Variants in SMYD3 observed in about 807,000 individuals in gnomAD.
SMYD3 encodes the protein SET and MYND domain containing 3.
In SMYD3, 36 loss-of-function variants were observed where a neutral mutation model predicts 57.7. The ratio of observed to expected loss-of-function variants is 0.62; its 90% CI spans 0.48 to 0.82. The LOEUF (loss-of-function observed/expected upper bound fraction) is 0.82. Among genes scored for constraint, SMYD3 ranks in the 40% least tolerant of loss-of-function variants. SMYD3 has a pLI of 0.00. For synonymous variants in SMYD3, 211 were observed against 195.0 expected, an observed-to-expected ratio of 1.08 and a Z score of -0.68; for missense variants, 515 against 538.8, an observed-to-expected ratio of 0.96 and a Z score of 0.44.
intron 10 of SMYD3, among the ~76,000 whole-genome samples, chr1:245,851,855 G>A (rs1401475159): frequency 6.6e-6 from 1 of 152,184 alleles, no homozygotes; most frequent in Non-Finnish European, 1.5e-5. Context: ...TACTAGCCAG[G>A]AGTGAAACAC....
chr1:246,359,396 C>T (rs1425956054), intron 1 of SMYD3, among the ~76,000 whole-genome samples: 2 of 152,100 alleles, frequency 1.3e-5, no homozygotes, highest in Non-Finnish European at 2.9e-5. Flanking sequence ...CAAAGAGGAA[C>T]CAGTATCAAT....
At chr1:245,888,202 G>A (rs562481977) in intron 8 of SMYD3, among the ~76,000 whole-genome samples, 1 of 152,226 alleles carries the variant, frequency 6.6e-6, no homozygotes, top group Admixed American at 6.5e-5. Flanking sequence ...TCAGTCTAGG[G>A]TCTTAAATGG....
At chr1:245,785,224 G>T (rs2046986823) in intron 10 of SMYD3, among the ~76,000 whole-genome samples, 1 of 152,142 alleles carries the variant, frequency 6.6e-6, no homozygotes, top group South Asian at 2.1e-4. Flanking sequence ...TTACATTACG[G>T]AGAATGTGGA....
chr1:246,186,252 C>A (rs866213479), intron 5 of SMYD3, among the ~76,000 whole-genome samples: 1 of 152,106 alleles, frequency 6.6e-6, no homozygotes. Flanking sequence ...AAAGAAGACA[C>A]AAATACATAA....
At chr1:246,309,922 C>CA (rs2065047129) in intron 5 of SMYD3, among the ~76,000 whole-genome samples, 1 of 152,110 alleles carries the variant, frequency 6.6e-6, no homozygotes, top group African/African-American at 2.4e-5. Context: ...TATGGAATAC[C>CA]AGACACTACA....
intron 5 of SMYD3, among the ~76,000 whole-genome samples, chr1:245,964,984 A>G (rs2058103689): frequency 6.6e-6 from 1 of 152,162 alleles, no homozygotes; most frequent in African/African-American, 2.4e-5. Context: ...AAGCTTAGAG[A>G]ACACTAAGCA....
chr1:245,881,001 C>T lies in SMYD3; in HGVS notation c.814-17115G>A, dbSNP rs74790112. Among the ~76,000 whole-genome samples, 101 of 92,272 alleles carry T rather than the reference C, an allele frequency of 1.1e-3. No homozygotes were observed. In the East Asian group the frequency reaches 0.017, roughly 16 times the overall value. 60.5% of individuals were successfully genotyped at this position (92,272 alleles called of 152,430 possible). A position where few individuals can be genotyped will look rare whatever the true frequency, so the allele number is the denominator to read the frequency against. On this transcript the variant is annotated intron_variant, in intron 8 of 11. Coordinates refer to ENST00000490107, the MANE Select transcript of SMYD3 (RefSeq NM_001167740.2). ...GCACACACTGTCCAGGAGATACTTG[C>T]CCTGGGTAGGCGGGCCTCTAAGGGC...
chr1:245,969,436 G>A (rs537985836), intron 5 of SMYD3, among the ~76,000 whole-genome samples: 7 of 152,200 alleles, frequency 4.6e-5, no homozygotes, highest in South Asian at 2.1e-4. Flanking sequence ...GCAAAGCCTC[G>A]CTTGTCTGAG....
At chr1:245,912,527 C>A (rs115102913) in intron 8 of SMYD3, among the ~76,000 whole-genome samples, 3,305 of 152,048 alleles carry the variant, frequency 0.022, 114 homozygotes, top group African/African-American at 0.075. Flanking sequence ...CATGAAAACA[C>A]AAAAGACCCC....
At chr1:245,806,790 G>A (rs1020535855) in intron 10 of SMYD3, among the ~76,000 whole-genome samples, 69 of 150,776 alleles carry the variant, frequency 4.6e-4, no homozygotes, top group Admixed American at 1.4e-3. Flanking sequence ...GGCGCCTGTA[G>A]TCCCAGCTAC....
At chr1:246,021,189 C>T (rs920273988) in intron 5 of SMYD3, among the ~76,000 whole-genome samples, 3 of 152,142 alleles carry the variant, frequency 2.0e-5, no homozygotes, top group Admixed American at 6.5e-5. Context: ...TTCTTCACCT[C>T]GGGTGAAGGT....
chr1:246,374,927 T>C (rs1428155971), intron 1 of SMYD3, among the ~76,000 whole-genome samples: 1 of 151,888 alleles, frequency 6.6e-6, no homozygotes, highest in Non-Finnish European at 1.5e-5. Context: ...ACCTCATCTC[T>C]ACTAAAAATA....
chr1:245,933,520 A>C lies in SMYD3; in HGVS notation c.532-3583T>G, dbSNP rs1341540865. On this transcript the variant is annotated intron_variant, in intron 5 of 11. Transcript: ENST00000490107. The stretch of plus-strand genomic sequence containing the variant: ...TTTTCTAGATGACAAAAATCTAGTG[A>C]GTTGTCATTGAGCCTCTGTATTTTA... Among the ~76,000 whole-genome samples, 3 of 152,308 alleles carry C rather than the reference A, an allele frequency of 2.0e-5. No individual in the cohort carries two copies. The East Asian group carries it at 5.8e-4, about 29-fold the overall frequency.
chr1:246,372,349 T>C (rs1262982297), intron 1 of SMYD3, among the ~76,000 whole-genome samples: 1 of 152,168 alleles, frequency 6.6e-6, no homozygotes, highest in Non-Finnish European at 1.5e-5. Context: ...CCCATCTGAG[T>C]TTGAGCATAT....
chr1:246,500,592 G>A (rs1394941048), intron 1 of SMYD3, among the ~76,000 whole-genome samples: 3 of 152,144 alleles, frequency 2.0e-5, no homozygotes, highest in African/African-American at 7.2e-5. Flanking sequence ...TGGGGAATCA[G>A]GACCAGTTAC....
chr1:246,245,213 C>A lies in SMYD3; in HGVS notation c.531+81988G>T, dbSNP rs74528166. Among the ~76,000 whole-genome samples, 3,428 of 148,636 alleles carry A rather than the reference C, an allele frequency of 0.023. 240 individuals are homozygous for A. In the East Asian group the frequency reaches 0.24, roughly 10 times the overall value. Reference sequence around the variant, plus strand: ...AACAGGCCAGACATGGTGGCTGAGGCGAGCGGATCACTTGAGCCCAGGAGT... The same window carrying A: ...AACAGGCCAGACATGGTGGCTGAGGAGAGCGGATCACTTGAGCCCAGGAGT... On this transcript the variant is annotated intron_variant, in intron 5 of 11. Transcript: ENST00000490107.
chr1:246,355,263 C>A lies in SMYD3; in HGVS notation c.165-169G>T. The A allele has an allele frequency of 1.6e-6, 1 of 615,532 alleles. No individual in the cohort carries two copies. Among genetic ancestry groups the A allele is most frequent in the African/African-American group, 1.9e-5 (1 of 53,030 alleles). The allele number at this position is 615,532 out of a possible 1,614,324, so 38.1% of individuals were successfully genotyped here. Reference sequence around the variant, plus strand: ...CACACTGATGAGCCTCCTCTTGAACCTTCCATGTGAGACACTGATAGAAAA... The same window carrying A: ...CACACTGATGAGCCTCCTCTTGAACATTCCATGTGAGACACTGATAGAAAA... On this transcript the variant is annotated intron_variant, in intron 1 of 11. Coordinates refer to ENST00000490107, the MANE Select transcript of SMYD3 (RefSeq NM_001167740.2). This position sits in a 1 kb window ranked among gnomAD's most constrained non-coding sequence, Gnocchi z 5.0.
At chr1:246,325,512 C>T (rs1572382661) in intron 5 of SMYD3, among the ~76,000 whole-genome samples, 2 of 151,900 alleles carry the variant, frequency 1.3e-5, no homozygotes, top group East Asian at 3.9e-4. Context: ...CTAGCAATAA[C>T]AAATATTATG....
intron 1 of SMYD3, among the ~76,000 whole-genome samples, chr1:246,498,524 G>C (rs1226202951): frequency 4.6e-5 from 7 of 152,104 alleles, no homozygotes; most frequent in Non-Finnish European, 8.8e-5. Flanking sequence ...ACGAGGTCAG[G>C]AGATCGAGAC....
Sources: gnomAD v4.1 joint callset for allele counts (sites outside exome capture counted in the v4.1 genomes callset) on GRCh38, gnomAD v4.1.1 for gene constraint, Gnocchi (gnomAD v3.1) non-coding constraint, MANE v1.5 for transcripts, NCBI Gene and HGNC (gene_info 2026-07-23, HGNC 2026-07-21) for gene names.